THSD7A: variants seen among roughly 807,000 people sequenced by gnomAD.
THSD7A encodes the protein thrombospondin type 1 domain containing 7A, also known as thrombospondin type-1 domain-containing protein 7A.
Under a neutral mutation model 231.3 loss-of-function variants are expected in THSD7A, and 96 were observed. The observed-to-expected ratio is 0.41, with a 90% CI of 0.35 to 0.49. The LOEUF is 0.49. Among genes scored for constraint, THSD7A ranks in the 20% least tolerant of loss-of-function variants. The probability of loss-of-function intolerance (pLI) is 0.05; values close to 1 mark genes in which losing one functional copy is unlikely to be tolerated. For synonymous variants in THSD7A, 940 were observed against 743.3 expected (o/e 1.26, Z -4.30); for missense variants, 2,290 against 2,070.2 (o/e 1.11, Z -2.06).
chr7:11,388,599 G>A, intron 23 of THSD7A, among the ~76,000 whole-genome samples: 1 of 151,904 alleles, frequency 6.6e-6, no homozygotes, highest in South Asian at 2.1e-4. Flanking sequence ...TTCTTCGTCT[G>A]GCTAGCAGTG....
intron 4 of THSD7A, among the ~76,000 whole-genome samples, chr7:11,545,838 G>C (rs1376781558): frequency 6.6e-6 from 1 of 152,172 alleles, no homozygotes; most frequent in African/African-American, 2.4e-5. Context: ...CATGGCCAAA[G>C]ATGTCCTTCT....
At chr7:11,546,202 G>GCGCACGCGCACACA (rs761841418) in intron 4 of THSD7A, among the ~76,000 whole-genome samples, 10 of 129,374 alleles carry the variant, frequency 7.7e-5, no homozygotes, top group Admixed American at 1.7e-4. Context: ...GTGGGCGCGC[G>GCGCACGCGCACACA]CTCACACACA....
intron 6 of THSD7A, among the ~76,000 whole-genome samples, chr7:11,516,532 T>C (rs990792279): frequency 6.6e-6 from 1 of 152,210 alleles, no homozygotes. Flanking sequence ...ACCTTGCCTG[T>C]GTGCAGAGAT....
At chr7:11,517,329 C>T (rs180709970) in intron 6 of THSD7A, among the ~76,000 whole-genome samples, 67 of 151,952 alleles carry the variant, frequency 4.4e-4, no homozygotes, top group African/African-American at 1.4e-3. Flanking sequence ...CCGCCCACCT[C>T]GGCCTCCCAA....
chr7:11,410,362 C>T (rs535351612), intron 19 of THSD7A: 10 of 152,120 alleles, frequency 6.6e-5, no homozygotes, highest in African/African-American at 1.9e-4. Flanking sequence ...TATAATAACC[C>T]CAGGATGTGT....
In THSD7A at chr7:11,447,377, A is replaced by G; in HGVS notation, c.2653T>C (p.Cys885Arg). 1 of 1,606,824 alleles carries G rather than the reference A, an allele frequency of 6.2e-7. No individual in the cohort carries two copies. The highest frequency in any genetic ancestry group is 8.5e-7 in the Non-Finnish European group (1 of 1,176,878). The change falls in exon 12 of 28, where the codon TGC (cysteine) becomes CGC (arginine). Residue 885 changes from cysteine to arginine, a missense_variant. Coordinates refer to ENST00000423059, the MANE Select transcript of THSD7A (RefSeq NM_015204.3). ...GGCACAGGGCCTGCATACTGTAGGC[A>G]CTCATGGATTCCAGCCTGTCCTCCA... Reference protein sequence around the residue: ...QDGGQAGIHECLQYAGPVPAL... With the variant: ...QDGGQAGIHERLQYAGPVPAL...
intron 1 of THSD7A, among the ~76,000 whole-genome samples, chr7:11,639,953 C>A (rs1388152762): frequency 1.3e-5 from 2 of 152,080 alleles, no homozygotes; most frequent in Admixed American, 6.5e-5. Flanking sequence ...AGCAAAAAAT[C>A]TTGGCTTACT....
intron 7 of THSD7A, among the ~76,000 whole-genome samples, chr7:11,479,978 T>C (rs12536556): frequency 0.14 from 21,331 of 152,192 alleles, 1,612 homozygotes; most frequent in Middle Eastern, 0.18. Flanking sequence ...ATGCTAATTA[T>C]CTTGATTTGA....
At chr7:11,668,720 A>G (rs144055602) in intron 1 of THSD7A, among the ~76,000 whole-genome samples, 48 of 152,294 alleles carry the variant, frequency 3.2e-4, no homozygotes, top group African/African-American at 1.1e-3. Context: ...TAAGTCCTAA[A>G]ACAGAAGTAT....
chr7:11,584,302 A>G (rs1267288093), intron 4 of THSD7A, among the ~76,000 whole-genome samples: 4 of 152,156 alleles, frequency 2.6e-5, no homozygotes, highest in African/African-American at 9.6e-5. Flanking sequence ...TGATTATATT[A>G]CTGTATAATA....
intron 19 of THSD7A, among the ~76,000 whole-genome samples, chr7:11,410,035 C>T (rs1311671235): frequency 6.6e-6 from 1 of 152,172 alleles, no homozygotes. Flanking sequence ...AGCCACCCTA[C>T]TCGGCTCAAT....
At chr7:11,494,323 A>G (rs17557433) in intron 6 of THSD7A, among the ~76,000 whole-genome samples, 20,238 of 151,952 alleles carry the variant, frequency 0.13, 1,574 homozygotes, top group Middle Eastern at 0.19. Flanking sequence ...CCATTTCTTT[A>G]TAAGTCCTCC....
chr7:11,662,685 T>A (rs1526551), intron 1 of THSD7A, among the ~76,000 whole-genome samples: 1 of 150,924 alleles, frequency 6.6e-6, no homozygotes, highest in African/African-American at 2.4e-5. Flanking sequence ...TAAATCTCAA[T>A]AAACCTCAAA....
chr7:11,512,115 G>C (rs948480010), intron 6 of THSD7A, among the ~76,000 whole-genome samples: 9 of 152,130 alleles, frequency 5.9e-5, no homozygotes, highest in Non-Finnish European at 5.9e-5. Context: ...CCATCAAAAA[G>C]TAGGCGAGGG....
chr7:11,456,880 AT>A (rs1327136970), intron 11 of THSD7A, among the ~76,000 whole-genome samples: 2 of 152,050 alleles, frequency 1.3e-5, no homozygotes, highest in African/African-American at 4.8e-5. Flanking sequence ...TGAAGTAAAC[AT>A]TTCTATCTCT....
intron 1 of THSD7A, among the ~76,000 whole-genome samples, chr7:11,749,269 T>C (rs549576682): frequency 6.6e-6 from 1 of 152,078 alleles, no homozygotes; most frequent in East Asian, 1.9e-4. Context: ...ATGCACACAG[T>C]GCCTCAGTAT....
chr7:11,493,762 G>C (rs1442124267), intron 6 of THSD7A, among the ~76,000 whole-genome samples: 1 of 152,014 alleles, frequency 6.6e-6, no homozygotes, highest in Non-Finnish European at 1.5e-5. Flanking sequence ...ATTTTAAAGA[G>C]CCATAAGTAA....
At chr7:11,586,730 T>C (rs1180942760) in intron 4 of THSD7A, among the ~76,000 whole-genome samples, 1 of 152,224 alleles carries the variant, frequency 6.6e-6, no homozygotes, top group East Asian at 1.9e-4. Context: ...GACTATTTTA[T>C]TTTCTTATTT....
At chr7:11,484,338 T>C (rs1318020957) in intron 6 of THSD7A, among the ~76,000 whole-genome samples, 1 of 152,102 alleles carries the variant, frequency 6.6e-6, no homozygotes, top group Non-Finnish European at 1.5e-5. Context: ...AAGCCCATTG[T>C]TGTCTCAGCA....
Sources: allele counts gnomAD v4.1 joint callset (sites outside exome capture counted in the v4.1 genomes callset), GRCh38; gene constraint gnomAD v4.1.1; transcripts MANE v1.5; gene names NCBI Gene and HGNC (gene_info 2026-07-23, HGNC 2026-07-21).